The following MAP4K3 variants were observed in gnomAD, a reference collection of about 807,000 sequenced individuals.
The protein encoded by MAP4K3 is MAPK/ERK kinase kinase kinase 3.
A neutral mutation model predicts 143.5 loss-of-function variants in MAP4K3; 94 were observed. The observed-to-expected ratio is 0.65, with a 90% CI of 0.55 to 0.78. The LOEUF (loss-of-function observed/expected upper bound fraction) is 0.78, where lower values mean the gene tolerates loss of function less well. MAP4K3 is among the 30% of genes least tolerant of loss of function. MAP4K3 has a pLI of 0.00. For synonymous variants in MAP4K3, 416 were observed against 347.2 expected (o/e 1.20, Z -2.20); for missense variants, 1,077 against 1,068.1 (o/e 1.01, Z -0.12).
intron 1 of MAP4K3, among the ~76,000 whole-genome samples, chr2:39,392,663 C>T (rs1375218057): frequency 1.3e-5 from 2 of 152,140 alleles, no homozygotes; most frequent in Admixed American, 1.3e-4. Flanking sequence ...ACTGAATCCC[C>T]AATGTAATAG....
chr2:39,340,349 A>G (rs987686033), intron 4 of MAP4K3, among the ~76,000 whole-genome samples: 15 of 152,216 alleles, frequency 9.9e-5, no homozygotes, highest in African/African-American at 3.6e-4. Context: ...GGTACAGCCA[A>G]AAGAGTGAAC....
intron 10 of MAP4K3, 22 bp from the exon 11 acceptor site, chr2:39,325,833 A>G (rs1297068423): frequency 1.3e-6 from 2 of 1,576,770 alleles, no homozygotes. Flanking sequence ...AGAAAATTAG[A>G]CTTTTACATT....
At chr2:39,354,491 G>A (rs1453337991) in intron 3 of MAP4K3, among the ~76,000 whole-genome samples, 1 of 151,274 alleles carries the variant, frequency 6.6e-6, no homozygotes, top group Non-Finnish European at 1.5e-5. Context: ...GGTGGCGTGT[G>A]CCTATCGTCC....
chr2:39,368,165 C>T (rs905810295), intron 2 of MAP4K3, among the ~76,000 whole-genome samples: 2 of 152,114 alleles, frequency 1.3e-5, no homozygotes, highest in Non-Finnish European at 2.9e-5. Flanking sequence ...GTATATCGCG[C>T]CCCCTGCCTA....
chr2:39,340,113 G>T (rs1055453542), intron 4 of MAP4K3, among the ~76,000 whole-genome samples: 1 of 152,160 alleles, frequency 6.6e-6, no homozygotes, highest in Admixed American at 6.5e-5. Flanking sequence ...GGGAAACCTT[G>T]CAAGCACTAG....
chr2:39,384,436 C>A (rs1317965049), intron 1 of MAP4K3, among the ~76,000 whole-genome samples: 1 of 152,214 alleles, frequency 6.6e-6, no homozygotes, highest in Non-Finnish European at 1.5e-5. Flanking sequence ...ATCCCAGCTA[C>A]TCGAGAGGCT....
At chr2:39,345,255 G>A (rs1392257563) in intron 3 of MAP4K3, among the ~76,000 whole-genome samples, 1 of 147,864 alleles carries the variant, frequency 6.8e-6, no homozygotes, top group East Asian at 2.1e-4. Flanking sequence ...GTGCATACCT[G>A]TAGTCTCACC....
rs1448863902 is a variant in MAP4K3 at position 39,286,854 on chromosome 2, G to T, written c.1585C>A (p.Pro529Thr). The T allele has an allele frequency of 5.7e-6, 9 of 1,590,976 alleles. No individual in the cohort carries two copies. Among genetic ancestry groups the T allele is most frequent in the Non-Finnish European group, 7.7e-6 (9 of 1,168,130 alleles). The change falls in exon 21 of 34, where the codon CCA becomes ACA. Residue 529 changes from proline (P) to threonine (T), a missense_variant and splice_region_variant. Physicochemically the swap from Pro to Thr is conservative, Grantham distance 38. Transcript: ENST00000263881. ...NLSRKEKKDVPKPISNGLPPT... is the reference protein window; with the variant it reads ...NLSRKEKKDVTKPISNGLPPT... ...AACTTATGACTATCAATACCTACTG[G>T]TACATCTTTCTTTTCTTTTCTTGAA...
intron 2 of MAP4K3, among the ~76,000 whole-genome samples, chr2:39,365,492 C>T (rs553130346): frequency 2.0e-4 from 27 of 133,900 alleles, no homozygotes; most frequent in African/African-American, 6.9e-4. Context: ...GGCCGGACTG[C>T]GGACTGCAGT....
intron 14 of MAP4K3, among the ~76,000 whole-genome samples, chr2:39,308,502 G>C (rs1344385106): frequency 6.6e-6 from 1 of 152,110 alleles, no homozygotes; most frequent in Non-Finnish European, 1.5e-5. Context: ...TTAAACTGAA[G>C]AAGAAAGCTC....
intron 1 of MAP4K3, among the ~76,000 whole-genome samples, chr2:39,389,046 C>T (rs1666583423): frequency 6.6e-6 from 1 of 151,924 alleles, no homozygotes; most frequent in East Asian, 1.9e-4. Flanking sequence ...ATCAAGTACG[C>T]TTTAAAAGTT....
At chr2:39,418,650 A>G (rs1475743529) in intron 1 of MAP4K3, among the ~76,000 whole-genome samples, 1 of 152,178 alleles carries the variant, frequency 6.6e-6, no homozygotes, top group Non-Finnish European at 1.5e-5. Flanking sequence ...ATCAAAGTTA[A>G]TATTGCCAGT....
Position 39,282,517 on chromosome 2 carries a change from A to C in MAP4K3, c.1625T>G (p.Val542Gly). Residue 542 changes from valine to glycine, a missense_variant, in exon 22 of 34, where the codon GTG (valine) becomes GGG (glycine). Physicochemically the swap from Val to Gly is moderately radical, Grantham distance 109 (BLOSUM62 -3). This residue lies in a region of MAP4K3 where 864 missense variants were observed against 801.2 expected (regional missense o/e 1.08). Coordinates refer to ENST00000263881, the MANE Select transcript of MAP4K3 (RefSeq NM_003618.4). ...ISNGLPPTPK[V>G]HMGACFSKVF... The stretch of plus-strand genomic sequence containing the variant: ...TACTCCATATTTAGTACTTACATGC[A>C]CTTTAGGTGTTGGAGGAAGACCATT... 1.2e-6 allele frequency: 2 copies of C among 1,611,476 alleles called. No individual in the cohort carries two copies. The highest frequency in any genetic ancestry group is 8.5e-7 in the Non-Finnish European group (1 of 1,178,380).
chr2:39,419,932 AG>A (rs1667499467), intron 1 of MAP4K3, among the ~76,000 whole-genome samples: 1 of 152,162 alleles, frequency 6.6e-6, no homozygotes, highest in African/African-American at 2.4e-5. Flanking sequence ...GGCAAAAGCA[AG>A]GTATGGAAAC....
At chr2:39,254,840 A>G (rs189468207) in intron 31 of MAP4K3, among the ~76,000 whole-genome samples, 1 of 152,164 alleles carries the variant, frequency 6.6e-6, no homozygotes, top group African/African-American at 2.4e-5. Context: ...TCGCCCTCCC[A>G]AAGTGCCAGG....
At chr2:39,260,559 A>G in intron 29 of MAP4K3, 47 bp downstream of exon 29, 1 of 1,517,706 alleles carries the variant, frequency 6.6e-7, no homozygotes, top group Non-Finnish European at 9.1e-7. Context: ...ACTACTTATA[A>G]AACCAGTATA....
At chr2:39,398,679 T>G (rs1666873231) in intron 1 of MAP4K3, among the ~76,000 whole-genome samples, 1 of 149,918 alleles carries the variant, frequency 6.7e-6, no homozygotes, top group African/African-American at 2.4e-5. Context: ...AGCCATGGTG[T>G]AAGCCTTTCC....
chr2:39,267,679 CAAAA>C (rs57082856), intron 26 of MAP4K3, among the ~76,000 whole-genome samples: 28 of 130,536 alleles, frequency 2.1e-4, no homozygotes, highest in Non-Finnish European at 3.1e-4. Context: ...ACTCGGTCTC[CAAAA>C]AAAAAAAAAA....
chr2:39,278,976 G>C (rs1431823845), intron 23 of MAP4K3, among the ~76,000 whole-genome samples: 1 of 152,104 alleles, frequency 6.6e-6, no homozygotes, highest in East Asian at 1.9e-4. Flanking sequence ...ATACCTGCTA[G>C]GGTACTCAGT....
Sources: allele counts gnomAD v4.1 joint callset (sites outside exome capture counted in the v4.1 genomes callset), GRCh38; gene constraint gnomAD v4.1.1; regional missense constraint gnomAD v4.1.1; transcripts MANE v1.5; gene names NCBI Gene and HGNC (gene_info 2026-07-23, HGNC 2026-07-21).